WWOX: variants seen among roughly 807,000 people sequenced by gnomAD.
WWOX encodes WW domain-containing oxidoreductase.
Under a neutral mutation model 46.2 loss-of-function variants are expected in WWOX, and 69 were observed. The ratio of observed to expected loss-of-function variants is 1.49; its 90% CI spans 1.23 to 1.82. The LOEUF is 1.82. Among genes scored for constraint, WWOX ranks in the 40% most tolerant of loss-of-function variants. The pLI, the probability that WWOX is intolerant of heterozygous loss-of-function variation, is 0.00. For synonymous variants in WWOX, 359 were observed against 202.6 expected (o/e 1.77, Z -6.56); for missense variants, 919 against 542.6 (o/e 1.69, Z -6.89).
At chr16:79,132,502 T>C (rs1270322362) in intron 8 of WWOX, among the ~76,000 whole-genome samples, 1 of 152,150 alleles carries the variant, frequency 6.6e-6, no homozygotes, top group African/African-American at 2.4e-5. Flanking sequence ...ACGTTTCAGA[T>C]GATTGGGAGG....
chr16:78,488,441 A>G (rs2084694060), intron 8 of WWOX, among the ~76,000 whole-genome samples: 1 of 152,072 alleles, frequency 6.6e-6, no homozygotes, highest in South Asian at 2.1e-4. Flanking sequence ...TTAGGACCCA[A>G]GAGTGCTGAG....
intron 8 of WWOX, chr16:78,825,247 A>G (rs1437918262): frequency 8.3e-6 from 2 of 239,942 alleles, no homozygotes; most frequent in South Asian, 6.1e-5. Context: ...GAGAGGCACA[A>G]TCTGCTTTCC....
At chr16:78,302,173 C>G (rs1383386490) in intron 5 of WWOX, among the ~76,000 whole-genome samples, 1 of 152,046 alleles carries the variant, frequency 6.6e-6, no homozygotes, top group African/African-American at 2.4e-5. Flanking sequence ...GTTGGCCAGG[C>G]TGGTCTCGAA....
chr16:78,404,354 G>C (rs1328506098), intron 6 of WWOX, among the ~76,000 whole-genome samples: 1 of 151,966 alleles, frequency 6.6e-6, no homozygotes, highest in Non-Finnish European at 1.5e-5. Flanking sequence ...AGAGCACAAG[G>C]TGACTTCAGA....
chr16:78,741,815 A>G (rs768114917), intron 8 of WWOX, among the ~76,000 whole-genome samples: 3 of 152,314 alleles, frequency 2.0e-5, no homozygotes, highest in African/African-American at 7.2e-5. Context: ...AGACTGTGCC[A>G]CTACACTCCA....
intron 8 of WWOX, among the ~76,000 whole-genome samples, chr16:78,768,516 G>T (rs1428477197): frequency 6.6e-6 from 1 of 151,886 alleles, no homozygotes; most frequent in South Asian, 2.1e-4. Context: ...CTTGAACTTG[G>T]GAGGCAAAGG....
intron 8 of WWOX, among the ~76,000 whole-genome samples, chr16:78,819,769 A>G (rs900389721): frequency 6.6e-6 from 1 of 152,218 alleles, no homozygotes. Context: ...GAAGGCCACA[A>G]GCTCACAGCA....
At chr16:78,450,159 G>T (rs951764804) in intron 8 of WWOX, among the ~76,000 whole-genome samples, 2 of 152,056 alleles carry the variant, frequency 1.3e-5, no homozygotes, top group East Asian at 1.9e-4. Flanking sequence ...ATCTAATTTA[G>T]CAAAATTCAA....
At position 78,464,131 on chromosome 16, in the gene WWOX, C is replaced by G. The variant is rs560539222; in HGVS notation, c.1056+31379C>G. Among the ~76,000 whole-genome samples the G allele has an allele frequency of 2.0e-5, 3 of 152,144 alleles. No homozygotes were observed. In the South Asian group the frequency reaches 6.2e-4, roughly 32 times the overall value. On this transcript the variant is annotated intron_variant, in intron 8 of 8. Coordinates refer to ENST00000566780, the MANE Select transcript of WWOX (RefSeq NM_016373.4). ...TGACCCATTCATCTGAGAGATGTGGCATGAGGAACACTGAGACCTAATGCT... is the reference window on the plus strand; with the variant it reads ...TGACCCATTCATCTGAGAGATGTGGGATGAGGAACACTGAGACCTAATGCT...
chr16:78,827,207 C>T (rs2051681688), intron 8 of WWOX, among the ~76,000 whole-genome samples: 1 of 152,166 alleles, frequency 6.6e-6, no homozygotes, highest in East Asian at 1.9e-4. Flanking sequence ...TGCATGAAAA[C>T]CTGAATGGCT....
chr16:78,369,259 A>G (rs1049459376), intron 5 of WWOX, among the ~76,000 whole-genome samples: 7 of 152,178 alleles, frequency 4.6e-5, no homozygotes, highest in Admixed American at 2.0e-4. Flanking sequence ...GTTCCAAAAG[A>G]TAGTGAAGAA....
At chr16:79,033,132 G>C (rs930168167) in intron 8 of WWOX, among the ~76,000 whole-genome samples, 15 of 147,266 alleles carry the variant, frequency 1.0e-4, no homozygotes, top group African/African-American at 3.5e-4. Flanking sequence ...AGTATTCCAC[G>C]GTGTAGATGT....
intron 5 of WWOX, chr16:78,355,465 G>A (rs1210316022): frequency 6.1e-6 from 2 of 325,488 alleles, no homozygotes; most frequent in Non-Finnish European, 6.1e-6. Flanking sequence ...AGCCTGGCGT[G>A]GTGGCGGGCA....
At chr16:78,642,299 G>C (rs2046738325) in intron 8 of WWOX, among the ~76,000 whole-genome samples, 1 of 152,320 alleles carries the variant, frequency 6.6e-6, no homozygotes, top group Non-Finnish European at 1.5e-5. Context: ...GAGGATAAAG[G>C]ATAGGACTAG....
At chr16:78,796,240 C>T (rs113143302) in intron 8 of WWOX, among the ~76,000 whole-genome samples, 2 of 152,340 alleles carry the variant, frequency 1.3e-5, no homozygotes, top group East Asian at 3.9e-4. Context: ...CATTCAGCAA[C>T]TGGCCTCCCA....
At chr16:78,574,999 T>C (rs1212775382) in intron 8 of WWOX, among the ~76,000 whole-genome samples, 5 of 37,016 alleles carry the variant, frequency 1.4e-4, no homozygotes, top group Non-Finnish European at 1.8e-4. Context: ...TATTTTTCAA[T>C]TATATATATA....
At position 78,396,420 on chromosome 16, in the gene WWOX, T is replaced by C. The variant is rs948132268; in HGVS notation, c.605+9472T>C. Among the ~76,000 whole-genome samples, 4 of 152,334 alleles carry C rather than the reference T, an allele frequency of 2.6e-5. No individual in the cohort carries two copies. In the East Asian group the frequency reaches 7.7e-4, roughly 29 times the overall value. The stretch of plus-strand genomic sequence containing the variant: ...GTTCACAAAATAAACATTTTTGATT[T>C]CCCAACAGAATCCTAGGTTTAACTA... On this transcript the variant is annotated intron_variant, in intron 6 of 8. Transcript: ENST00000566780.
chr16:78,208,899 TTTTA>T (rs925835458), intron 5 of WWOX, among the ~76,000 whole-genome samples: 3 of 152,186 alleles, frequency 2.0e-5, no homozygotes, highest in South Asian at 4.1e-4. Flanking sequence ...TCTTACAGCT[TTTTA>T]TTTATTTATT....
rs180886489 is a variant in WWOX, at chr16:78,499,035, T to G, written c.1056+66283T>G. On this transcript the variant is annotated intron_variant, in intron 8 of 8. Transcript: ENST00000566780. ...CACGAGGTTTCTTAATAGTTTGGCC[T>G]CTGGCAAAAATGGTTTTATTGTAGT... is the stretch of plus-strand genomic sequence containing the variant. 4.6e-5 allele frequency among the ~76,000 whole-genome samples: 7 copies of G among 152,332 alleles called. No individual in the cohort carries two copies. The East Asian group carries it at 1.4e-3, about 29-fold the overall frequency.
Sources: allele counts gnomAD v4.1 joint callset (sites outside exome capture counted in the v4.1 genomes callset), GRCh38; gene constraint gnomAD v4.1.1; transcripts MANE v1.5; gene names NCBI Gene and HGNC (gene_info 2026-07-23, HGNC 2026-07-21).